DNAJC15: variants seen among roughly 807,000 people sequenced by gnomAD.
The protein encoded by DNAJC15 is DnaJ heat shock protein family (Hsp40) member C15.
Under a neutral mutation model 22.4 loss-of-function variants are expected in DNAJC15, and 27 were observed. That is an observed-to-expected ratio of 1.20 (90% confidence interval 0.89 to 1.66). The LOEUF (loss-of-function observed/expected upper bound fraction) is 1.66. DNAJC15 is among the 40% of genes most tolerant of loss of function. The pLI, the probability that DNAJC15 is intolerant of heterozygous loss-of-function variation, is 0.00. For missense variants in DNAJC15, 208 were observed against 187.1 expected (o/e 1.11, Z -0.65); for synonymous variants, 79 against 63.2 (o/e 1.25, Z -1.19).
In DNAJC15 at chr13:43,041,586, G is replaced by A. The variant is rs372108680; in HGVS notation, c.108+17852G>A. On this transcript the variant is annotated intron_variant, in intron 1 of 5. Coordinates refer to ENST00000379221, the MANE Select transcript of DNAJC15 (RefSeq NM_013238.3). Reference sequence around the variant, plus strand: ...ATTGACTAGATTGCAGTAACAGTGAGGTGAGGGCAGAATCTCAGTCAGAAT... The same window carrying A: ...ATTGACTAGATTGCAGTAACAGTGAAGTGAGGGCAGAATCTCAGTCAGAAT... 4.6e-5 allele frequency among the ~76,000 whole-genome samples: 7 copies of A among 152,194 alleles called. No individual in the cohort carries two copies. In the East Asian group the frequency reaches 9.6e-4, roughly 21 times the overall value.
intron 1 of DNAJC15, among the ~76,000 whole-genome samples, chr13:43,037,078 G>A (rs936899620): frequency 9.9e-5 from 15 of 152,218 alleles, no homozygotes; most frequent in African/African-American, 3.4e-4. Flanking sequence ...CCAGCTCCCG[G>A]CAGCTCTGCT....
At chr13:43,071,517 T>G (rs1555275887) in intron 3 of DNAJC15, among the ~76,000 whole-genome samples, 1 of 152,246 alleles carries the variant, frequency 6.6e-6, no homozygotes, top group Non-Finnish European at 1.5e-5. Context: ...GCAAGTACTT[T>G]TAAACAATTT....
intron 5 of DNAJC15, among the ~76,000 whole-genome samples, chr13:43,087,512 A>G (rs1233325087): frequency 2.0e-5 from 3 of 152,212 alleles, no homozygotes; most frequent in Non-Finnish European, 4.4e-5. Flanking sequence ...GCGAAATCCA[A>G]GAGTATTTGG....
chr13:43,086,026 T>C (rs544464692), intron 5 of DNAJC15, among the ~76,000 whole-genome samples, 188 bp downstream of exon 5: 7 of 152,354 alleles, frequency 4.6e-5, no homozygotes, highest in African/African-American at 1.7e-4. Context: ...ATTTATATTA[T>C]CTGCTTTCAA....
At chr13:43,036,474 A>G (rs2040429555) in intron 1 of DNAJC15, among the ~76,000 whole-genome samples, 1 of 152,072 alleles carries the variant, frequency 6.6e-6, no homozygotes, top group South Asian at 2.1e-4. Flanking sequence ...GTGGCTGGCC[A>G]TGGGCAGGCC....
chr13:43,039,928 A>T (rs1398566159), intron 1 of DNAJC15, among the ~76,000 whole-genome samples: 2 of 152,180 alleles, frequency 1.3e-5, no homozygotes, highest in African/African-American at 4.8e-5. Context: ...CTGAGACAGG[A>T]GAATTGGTTG....
At chr13:43,030,604 T>C (rs1001274656) in intron 1 of DNAJC15, among the ~76,000 whole-genome samples, 7 of 152,184 alleles carry the variant, frequency 4.6e-5, no homozygotes, top group African/African-American at 1.7e-4. Flanking sequence ...ATTTAACACT[T>C]TATTTATGGA....
At chr13:43,045,898 GTC>G (rs1309083450) in intron 1 of DNAJC15, among the ~76,000 whole-genome samples, 1 of 152,068 alleles carries the variant, frequency 6.6e-6, no homozygotes, top group Non-Finnish European at 1.5e-5. Flanking sequence ...TTTGTTGTCT[GTC>G]TCTCTTGCTA....
At chr13:43,058,786 G>A (rs147708574) in intron 1 of DNAJC15, among the ~76,000 whole-genome samples, 1 of 152,256 alleles carries the variant, frequency 6.6e-6, no homozygotes, top group East Asian at 1.9e-4. Context: ...GGCTTCCCTG[G>A]GGACCAGGAG....
At chr13:43,063,036 T>C (rs1227470791) in intron 1 of DNAJC15, among the ~76,000 whole-genome samples, 1 of 149,304 alleles carries the variant, frequency 6.7e-6, no homozygotes, top group East Asian at 2.0e-4. Context: ...TTTGAGAGAG[T>C]CTCTCATCTG....
chr13:43,090,474 A>G (rs974322466), intron 5 of DNAJC15, among the ~76,000 whole-genome samples: 4 of 152,152 alleles, frequency 2.6e-5, no homozygotes, highest in African/African-American at 9.7e-5. Flanking sequence ...CTAAATATGA[A>G]AGGTAAAACT....
At chr13:43,083,540 A>G (rs9567108) in intron 4 of DNAJC15, among the ~76,000 whole-genome samples, 81,445 of 152,010 alleles carry the variant, frequency 0.54, 21,934 homozygotes, top group South Asian at 0.64. Context: ...TACCTAACAC[A>G]ACATGCCAAA....
chr13:43,042,572 T>C (rs2040459099), intron 1 of DNAJC15, among the ~76,000 whole-genome samples: 1 of 152,084 alleles, frequency 6.6e-6, no homozygotes, highest in Admixed American at 6.5e-5. Flanking sequence ...GCCAGCAGAT[T>C]CAAAAGAGGG....
At chr13:43,083,329 G>A (rs570531061) in intron 4 of DNAJC15, among the ~76,000 whole-genome samples, 1 of 152,072 alleles carries the variant, frequency 6.6e-6, no homozygotes, top group African/African-American at 2.4e-5. Flanking sequence ...CACCACGCCT[G>A]GCTAATTTTT....
At chr13:43,037,403 C>T (rs1345506320) in intron 1 of DNAJC15, among the ~76,000 whole-genome samples, 1 of 152,092 alleles carries the variant, frequency 6.6e-6, no homozygotes. Context: ...GCAGTGGGAT[C>T]ATTTTTATGA....
intron 5 of DNAJC15, among the ~76,000 whole-genome samples, chr13:43,092,553 C>T (rs2040720375): frequency 6.6e-6 from 1 of 151,884 alleles, no homozygotes; most frequent in African/African-American, 2.4e-5. Context: ...TTCTATTTGA[C>T]TCACCTATAT....
In DNAJC15 at chr13:43,097,640, GA is replaced by G. The variant is rs143072883; in HGVS notation, c.383-9529del. ...TTGTTGTAGTAGAGGAGGTAAAGGG[GA>G]AAAAAAAAGGTCTAGGCCCGGTACG... On this transcript the variant is annotated intron_variant, in intron 5 of 5. Transcript: ENST00000379221. 1.4e-3 allele frequency among the ~76,000 whole-genome samples: 211 copies of G among 151,008 alleles called. 1 individual carries two copies. Among genetic ancestry groups the G allele is most frequent in the African/African-American group, 4.5e-3 (185 of 41,190 alleles).
chr13:43,101,560 A>T (rs1593332878), intron 5 of DNAJC15, among the ~76,000 whole-genome samples: 1 of 152,114 alleles, frequency 6.6e-6, no homozygotes, highest in African/African-American at 2.4e-5. Context: ...TTCGTCCCTC[A>T]TCTCCCTTTT....
At chr13:43,035,667 T>G (rs1287724165) in intron 1 of DNAJC15, among the ~76,000 whole-genome samples, 19 of 152,202 alleles carry the variant, frequency 1.2e-4, no homozygotes, top group Admixed American at 1.2e-3. Flanking sequence ...TTGAATAATT[T>G]CTGTATTGAT....
Sources: gnomAD v4.1 joint callset for allele counts (sites outside exome capture counted in the v4.1 genomes callset) on GRCh38, gnomAD v4.1.1 for gene constraint, MANE v1.5 for transcripts, NCBI Gene and HGNC (gene_info 2026-07-23, HGNC 2026-07-21) for gene names.